NTNG1: variants seen among roughly 807,000 people sequenced by gnomAD.
NTNG1 encodes the protein netrin G1, also known as netrin-G1.
A neutral mutation model predicts 54.0 loss-of-function variants in NTNG1; 16 were observed. The ratio of observed to expected loss-of-function variants is 0.30; its 90% CI spans 0.20 to 0.45. The LOEUF is 0.45. Ranked by LOEUF, NTNG1 falls within the 20% of genes least tolerant of loss-of-function variation. The pLI is 1.00. For missense variants in NTNG1, 530 were observed against 678.7 expected (o/e 0.78, Z 2.43); for synonymous variants, 255 against 263.1 (o/e 0.97, Z 0.30).
intron 3 of NTNG1, among the ~76,000 whole-genome samples, chr1:107,352,080 G>C (rs749208851): frequency 6.6e-6 from 1 of 152,238 alleles, no homozygotes; most frequent in Non-Finnish European, 1.5e-5. Flanking sequence ...GGCTTTGCAG[G>C]GTTCAGCCCC....
At chr1:107,249,181 A>C (rs914491141) in intron 2 of NTNG1, among the ~76,000 whole-genome samples, 1 of 149,332 alleles carries the variant, frequency 6.7e-6, no homozygotes, top group African/African-American at 2.5e-5. Flanking sequence ...TAATAATAAT[A>C]ATTTAAAAGT....
chr1:107,415,276 A>C (rs1674118801), intron 5 of NTNG1, among the ~76,000 whole-genome samples: 2 of 152,184 alleles, frequency 1.3e-5, no homozygotes, highest in Admixed American at 6.6e-5. Flanking sequence ...TTTCACCAAC[A>C]GTCAAAAGGT....
intron 2 of NTNG1, among the ~76,000 whole-genome samples, chr1:107,255,790 A>C (rs1476340284): frequency 1.3e-5 from 2 of 152,186 alleles, no homozygotes; most frequent in East Asian, 3.9e-4. Context: ...AATAGCCTGG[A>C]ATCTTGAAAA....
At chr1:107,427,143 C>T (rs1303158338) in intron 5 of NTNG1, among the ~76,000 whole-genome samples, 1 of 152,094 alleles carries the variant, frequency 6.6e-6, no homozygotes, top group Non-Finnish European at 1.5e-5. Context: ...AATTTGATTT[C>T]CTCTTTTCCA....
At chr1:107,282,138 A>G (rs903972328) in intron 2 of NTNG1, among the ~76,000 whole-genome samples, 1 of 152,314 alleles carries the variant, frequency 6.6e-6, no homozygotes, top group East Asian at 1.9e-4. Context: ...AGTTTCAATC[A>G]TTTCTCACAG....
At chr1:107,359,959 A>T (rs1670167851) in intron 3 of NTNG1, among the ~76,000 whole-genome samples, 1 of 152,148 alleles carries the variant, frequency 6.6e-6, no homozygotes, top group East Asian at 1.9e-4. Context: ...TGGTCCCCAG[A>T]TATATCTTAT....
intron 3 of NTNG1, among the ~76,000 whole-genome samples, chr1:107,358,575 A>G (rs1244161505): frequency 6.6e-6 from 1 of 152,006 alleles, no homozygotes; most frequent in African/African-American, 2.4e-5. Flanking sequence ...GCACTGACCT[A>G]TGGGGGAGAA....
chr1:107,213,854 C>T (rs1659763513), intron 2 of NTNG1, among the ~76,000 whole-genome samples: 1 of 152,244 alleles, frequency 6.6e-6, no homozygotes, highest in Admixed American at 6.5e-5. Context: ...CACATTTTTG[C>T]ATGCATTCTT....
At chr1:107,443,524 T>C (rs967025979) in intron 7 of NTNG1, among the ~76,000 whole-genome samples, 2 of 152,154 alleles carry the variant, frequency 1.3e-5, no homozygotes, top group Admixed American at 6.6e-5. Context: ...TGGACAAATA[T>C]CTTGCGCCTA....
chr1:107,201,569 A>T (rs1465880174), intron 2 of NTNG1, among the ~76,000 whole-genome samples: 1 of 151,748 alleles, frequency 6.6e-6, no homozygotes, highest in African/African-American at 2.4e-5. Context: ...TTTGCTCCAC[A>T]CTCTCCATTC....
chr1:107,283,028 C>T (rs1203783100), intron 2 of NTNG1, among the ~76,000 whole-genome samples: 1 of 152,080 alleles, frequency 6.6e-6, no homozygotes, highest in African/African-American at 2.4e-5. Context: ...GCTCCACCCT[C>T]ATGATCTGAT....
intron 7 of NTNG1, 35 bp from the exon 8 acceptor site, chr1:107,480,576 G>GCCCC: frequency 3.8e-5 from 13 of 339,090 alleles, no homozygotes; most frequent in East Asian, 1.6e-4. Context: ...TCCTCCCCGC[G>GCCCC]CCCACCCACC....
At chr1:107,361,800 C>A (rs933037406) in intron 3 of NTNG1, among the ~76,000 whole-genome samples, 5 of 152,156 alleles carry the variant, frequency 3.3e-5, no homozygotes, top group African/African-American at 1.2e-4. Flanking sequence ...ATAAACTAGT[C>A]TGCATCCTGC....
At position 107,358,345 on chromosome 1, in the gene NTNG1, G is replaced by A. The variant is rs987186383; in HGVS notation, c.887+33423G>A. On this transcript the variant is annotated intron_variant, in intron 3 of 7. Coordinates refer to ENST00000370068, the MANE Select transcript of NTNG1 (RefSeq NM_001113226.3). ...AGCACTGGAAAATAGATGGGCATGAGGAGATAGTACTTAATTTTTTTTTTT... is the reference window on the plus strand; with the variant it reads ...AGCACTGGAAAATAGATGGGCATGAAGAGATAGTACTTAATTTTTTTTTTT... Among the ~76,000 whole-genome samples, 3 of 151,210 alleles carry A rather than the reference G, an allele frequency of 2.0e-5. No individual in the cohort carries two copies. The South Asian group carries it at 6.3e-4, about 32-fold the overall frequency.
rs71098633 is a variant in NTNG1 at position 107,482,055 on chromosome 1, C to CAAAAAAAAAAAAAAAAAAAAAAAA, written c.*1219_*1242dup. The CAAAAAAAAAAAAAAAAAAAAAAAA allele has an allele frequency of 2.6e-5, 3 of 114,468 alleles. No homozygotes were observed. The highest frequency in any genetic ancestry group is 6.7e-5 in the African/African-American group (2 of 29,904). The allele number at this position is 114,468 out of a possible 1,614,324, so 7.1% of individuals were successfully genotyped here. ...TTCCACTTGGGAAAAATTACAACAGCAAAAAAAAAAAAAAAAAAAAAAAAA... is the reference window on the plus strand; with the variant it reads ...TTCCACTTGGGAAAAATTACAACAGCAAAAAAAAAAAAAAAAAAAAAAAAAAAAAAAAAAAAAAAAAAAAAAAAA... On this transcript the variant is annotated 3_prime_UTR_variant, in exon 8 of 8. Transcript: ENST00000370068.
At chr1:107,303,403 A>G (rs1437448915) in intron 2 of NTNG1, among the ~76,000 whole-genome samples, 1 of 148,342 alleles carries the variant, frequency 6.7e-6, no homozygotes, top group Middle Eastern at 3.2e-3. Flanking sequence ...CATACTGACT[A>G]CTAACTAAAA....
intron 2 of NTNG1, among the ~76,000 whole-genome samples, chr1:107,197,902 T>C (rs1180835361): frequency 5.3e-5 from 8 of 152,030 alleles, no homozygotes; most frequent in Admixed American, 5.2e-4. Context: ...TAATTTTCTA[T>C]GCATTAAATT....
At chr1:107,411,590 T>C (rs77314833) in intron 5 of NTNG1, among the ~76,000 whole-genome samples, 2 of 151,608 alleles carry the variant, frequency 1.3e-5, no homozygotes, top group South Asian at 2.1e-4. Flanking sequence ...TTTGTTTGGG[T>C]TTTTTTTTCC....
At chr1:107,406,355 G>A (rs549342857) in intron 4 of NTNG1, among the ~76,000 whole-genome samples, 1 of 152,290 alleles carries the variant, frequency 6.6e-6, no homozygotes, top group South Asian at 2.1e-4. Flanking sequence ...CTTCAATGAT[G>A]TGAAGAACAA....
Sources: allele counts gnomAD v4.1 joint callset (sites outside exome capture counted in the v4.1 genomes callset), GRCh38; gene constraint gnomAD v4.1.1; transcripts MANE v1.5; gene names NCBI Gene and HGNC (gene_info 2026-07-23, HGNC 2026-07-21).